MTFR1: variants seen among roughly 807,000 people sequenced by gnomAD.
MTFR1 encodes the protein mitochondrial fission regulator 1, also known as chondrocyte protein with a poly-proline region.
Under a neutral mutation model 38.8 loss-of-function variants are expected in MTFR1, and 28 were observed. The observed-to-expected ratio is 0.72, with a 90% CI of 0.53 to 0.99. MTFR1 has a LOEUF of 0.99. Among genes scored for constraint, MTFR1 ranks in the 50% least tolerant of loss-of-function variants. The pLI, the probability that MTFR1 is intolerant of heterozygous loss-of-function variation, is 0.00. For missense variants in MTFR1, 358 were observed against 395.5 expected (o/e 0.91, Z 0.81); for synonymous variants, 145 against 137.0 (o/e 1.06, Z -0.41).
At chr8:65,660,604 C>G (rs1237016126) in intron 1 of MTFR1, among the ~76,000 whole-genome samples, 1 of 152,202 alleles carries the variant, frequency 6.6e-6, no homozygotes, top group African/African-American at 2.4e-5. Context: ...TTAGCTCTGT[C>G]GGCCTCCAGC....
chr8:65,670,340 C>T (rs946844026), intron 2 of MTFR1, among the ~76,000 whole-genome samples: 1 of 152,038 alleles, frequency 6.6e-6, no homozygotes, highest in East Asian at 1.9e-4. Flanking sequence ...CTTGACAGCG[C>T]TCTTAATGTT....
chr8:65,697,156 T>C (rs150694701), intron 4 of MTFR1, among the ~76,000 whole-genome samples: 10,771 of 151,854 alleles, frequency 0.071, 1,318 homozygotes, highest in African/African-American at 0.24. Context: ...AGCTAATTTT[T>C]GTATTTTTAG....
chr8:65,648,666 G>A (rs76516203), intron 1 of MTFR1, among the ~76,000 whole-genome samples: 29,177 of 152,044 alleles, frequency 0.19, 2,959 homozygotes, highest in Middle Eastern at 0.23. Context: ...CGTATAATTT[G>A]TACAACTGGA....
intron 3 of MTFR1, chr8:65,682,948 A>G (rs1804947190): frequency 1.0e-6 from 1 of 983,926 alleles, no homozygotes; most frequent in South Asian, 4.7e-5. Context: ...CAAAAAGGTA[A>G]TTGTGGTTTT....
Position 65,707,530 on chromosome 8 carries a change from A to C in MTFR1, c.764+274A>C, listed in dbSNP as rs550773351. On this transcript the variant is annotated intron_variant, in intron 6 of 7. Transcript: ENST00000262146. The stretch of plus-strand genomic sequence containing the variant: ...TGCAGTTGCTCAGTGAGCATTCACT[A>C]ATTCAATAAAGGCGTGCTGTGTACC... Among the ~76,000 whole-genome samples, 43 of 152,340 alleles carry C rather than the reference A, an allele frequency of 2.8e-4. 1 individual carries two copies. In the South Asian group the frequency reaches 7.7e-3, roughly 27 times the overall value.
chr8:65,691,027 GAT>G (rs1805259990), intron 3 of MTFR1, among the ~76,000 whole-genome samples: 1 of 152,138 alleles, frequency 6.6e-6, no homozygotes, highest in African/African-American at 2.4e-5. Flanking sequence ...GATCAAATAT[GAT>G]ACCCAGTTGT....
At chr8:65,676,250 A>T (rs1310842721) in intron 2 of MTFR1, among the ~76,000 whole-genome samples, 1 of 152,222 alleles carries the variant, frequency 6.6e-6, no homozygotes, top group Admixed American at 6.5e-5. Context: ...AACAGTATGG[A>T]TGCTCTTCCC....
intron 1 of MTFR1, among the ~76,000 whole-genome samples, chr8:65,656,583 C>A (rs1809277346): frequency 6.7e-6 from 1 of 149,706 alleles, no homozygotes; most frequent in Admixed American, 6.7e-5. Flanking sequence ...CTCACTGCAA[C>A]CCCCGCCTAC....
intron 3 of MTFR1, among the ~76,000 whole-genome samples, chr8:65,691,972 A>T (rs953076513): frequency 2.0e-5 from 3 of 152,196 alleles, no homozygotes; most frequent in Admixed American, 2.0e-4. Context: ...GTGTCACATG[A>T]TATATTTTGT....
At chr8:65,750,474 C>CTGTGTG (rs371620919) in intron 3 of MTFR1, among the ~76,000 whole-genome samples, 10,096 of 142,388 alleles carry the variant, frequency 0.071, 386 homozygotes, top group African/African-American at 0.08. Flanking sequence ...ATTAGAATCA[C>CTGTGTG]TGTGTGTGTG....
chr8:65,748,394 T>C (rs539240306), intron 3 of MTFR1, among the ~76,000 whole-genome samples: 1 of 152,314 alleles, frequency 6.6e-6, no homozygotes, highest in South Asian at 2.1e-4. Flanking sequence ...TAAGGTGATA[T>C]GCTCTAGAAA....
intron 3 of MTFR1, among the ~76,000 whole-genome samples, chr8:65,732,612 C>T (rs1806947511): frequency 6.6e-6 from 1 of 152,170 alleles, no homozygotes; most frequent in Non-Finnish European, 1.5e-5. Flanking sequence ...CTCCCAGGCT[C>T]AAGTGATCCT....
intron 3 of MTFR1, among the ~76,000 whole-genome samples, chr8:65,690,479 G>A (rs555797349): frequency 8.5e-5 from 13 of 152,264 alleles, no homozygotes; most frequent in Admixed American, 3.3e-4. Context: ...GCAGTGAGCC[G>A]AGATGGTACC....
At chr8:65,684,251 A>G (rs1302307436) in intron 3 of MTFR1, among the ~76,000 whole-genome samples, 1 of 152,208 alleles carries the variant, frequency 6.6e-6, no homozygotes, top group East Asian at 1.9e-4. Flanking sequence ...AACTAATTTT[A>G]ACTGCATTTG....
At chr8:65,684,695 C>G (rs972834247) in intron 3 of MTFR1, among the ~76,000 whole-genome samples, 11 of 151,574 alleles carry the variant, frequency 7.3e-5, no homozygotes, top group Admixed American at 3.3e-4. Context: ...CATACTGAGT[C>G]TTTTAAAATT....
At chr8:65,769,137 A>G (rs1808946708) in intron 3 of MTFR1, among the ~76,000 whole-genome samples, 1 of 151,500 alleles carries the variant, frequency 6.6e-6, no homozygotes, top group Non-Finnish European at 1.5e-5. Context: ...AATCCCAGCT[A>G]CTTGGGAGGC....
chr8:65,668,022 C>T (rs1804439909), intron 1 of MTFR1, among the ~76,000 whole-genome samples: 1 of 152,028 alleles, frequency 6.6e-6, no homozygotes, highest in Non-Finnish European at 1.5e-5. Flanking sequence ...TCTTCCTATT[C>T]TCTGTTGTTA....
At chr8:65,664,610 GTTTTTTT>G (rs766902728) in intron 1 of MTFR1, among the ~76,000 whole-genome samples, 3 of 129,794 alleles carry the variant, frequency 2.3e-5, no homozygotes, top group African/African-American at 5.6e-5. Flanking sequence ...GTTTTCCTTT[GTTTTTTT>G]TTTTTTTTTT....
intron 3 of MTFR1, among the ~76,000 whole-genome samples, chr8:65,730,661 C>T (rs1267820960): frequency 2.0e-5 from 3 of 152,192 alleles, no homozygotes; most frequent in African/African-American, 4.8e-5. Context: ...GGCATGGTGG[C>T]TCATGCCTGT....
Sources: gnomAD v4.1 joint callset for allele counts (sites outside exome capture counted in the v4.1 genomes callset) on GRCh38, gnomAD v4.1.1 for gene constraint, MANE v1.5 for transcripts, NCBI Gene and HGNC (gene_info 2026-07-23, HGNC 2026-07-21) for gene names.